FGF12: variants seen among roughly 807,000 people sequenced by gnomAD.
The protein encoded by FGF12 is fibroblast growth factor 12.
Under a neutral mutation model 23.6 loss-of-function variants are expected in FGF12, and 14 were observed. The observed-to-expected ratio is 0.59, with a 90% CI of 0.39 to 0.93. The LOEUF (loss-of-function observed/expected upper bound fraction) is 0.93. Ranked by LOEUF, FGF12 falls within the 40% of genes least tolerant of loss-of-function variation. The pLI is 0.00. For synonymous variants in FGF12, 62 were observed against 77.3 expected (o/e 0.80, Z 1.04); for missense variants, 175 against 217.8 (o/e 0.80, Z 1.24).
intron 2 of FGF12, among the ~76,000 whole-genome samples, chr3:192,369,943 C>A (rs1719149256): frequency 6.6e-6 from 1 of 152,190 alleles, no homozygotes; most frequent in Non-Finnish European, 1.5e-5. Context: ...TTGAAAAAAG[C>A]TTTAAAGATG....
intron 2 of FGF12, among the ~76,000 whole-genome samples, chr3:192,397,010 G>C (rs1720551911): frequency 6.6e-6 from 1 of 152,202 alleles, no homozygotes; most frequent in Non-Finnish European, 1.5e-5. Context: ...AAATTATAAT[G>C]AATGGAACTC....
chr3:192,439,644 G>C (rs920745888), intron 2 of FGF12, among the ~76,000 whole-genome samples: 2 of 152,124 alleles, frequency 1.3e-5, no homozygotes, highest in African/African-American at 4.8e-5. Context: ...AGTTAAATGG[G>C]AAATTGCATC....
intron 2 of FGF12, among the ~76,000 whole-genome samples, chr3:192,596,976 T>C (rs188687667): frequency 5.1e-4 from 77 of 152,332 alleles, no homozygotes; most frequent in African/African-American, 1.7e-3. Flanking sequence ...CCAGCTATGA[T>C]ACCTTGAAAA....
intron 2 of FGF12, among the ~76,000 whole-genome samples, chr3:192,530,503 A>G (rs920896513): frequency 6.6e-6 from 1 of 152,238 alleles, no homozygotes; most frequent in African/African-American, 2.4e-5. Flanking sequence ...GATTTATTCA[A>G]CAACAGCAAT....
chr3:192,538,677 A>G (rs1274568588), intron 2 of FGF12, among the ~76,000 whole-genome samples: 2 of 152,148 alleles, frequency 1.3e-5, no homozygotes, highest in Non-Finnish European at 2.9e-5. Context: ...TGAAGAATAG[A>G]ATGTCATTGG....
At chr3:192,159,968 GTGTGTGTGTGTA>G (rs1016968192) in intron 5 of FGF12, among the ~76,000 whole-genome samples, 7 of 140,760 alleles carry the variant, frequency 5.0e-5, no homozygotes, top group African/African-American at 1.9e-4. Context: ...GTGTGTGTGT[GTGTGTGTGTGTA>G]CACATTTCAG....
chr3:192,273,865 G>A (rs1226978714), intron 4 of FGF12, among the ~76,000 whole-genome samples: 1 of 151,308 alleles, frequency 6.6e-6, no homozygotes, highest in East Asian at 1.9e-4. Flanking sequence ...TCAGTGGACT[G>A]ATTCAAGGAT....
chr3:192,677,421 C>CA (rs1167975327), intron 2 of FGF12, among the ~76,000 whole-genome samples: 1 of 152,166 alleles, frequency 6.6e-6, no homozygotes, highest in African/African-American at 2.4e-5. Flanking sequence ...GTGATGCTGT[C>CA]AGAGTTCTGG....
chr3:192,556,939 C>T (rs1475390132), intron 2 of FGF12, among the ~76,000 whole-genome samples: 3 of 151,766 alleles, frequency 2.0e-5, no homozygotes, highest in Admixed American at 6.6e-5. Flanking sequence ...ACAACACACC[C>T]TTGAATGATA....
intron 2 of FGF12, among the ~76,000 whole-genome samples, chr3:192,527,927 T>C (rs1247763956): frequency 3.8e-5 from 1 of 26,450 alleles, no homozygotes; most frequent in Non-Finnish European, 8.1e-5. Context: ...ATCAGGAGAA[T>C]AGCGCAGGAG....
At chr3:192,569,679 A>G (rs1228383763) in intron 2 of FGF12, among the ~76,000 whole-genome samples, 1 of 152,228 alleles carries the variant, frequency 6.6e-6, no homozygotes, top group South Asian at 2.1e-4. Context: ...ATTGAGATAT[A>G]GAGAAGTTAG....
rs537580609 is a variant in FGF12 at position 192,322,930 on chromosome 3, C to T, written c.228+12431G>A. Reference sequence around the variant, plus strand: ...GCAAAAGATCTGAGTAGGCATTTCTCAGAAGAAGACTTACAAATGGCAGAC... The same window carrying T: ...GCAAAAGATCTGAGTAGGCATTTCTTAGAAGAAGACTTACAAATGGCAGAC... On this transcript the variant is annotated intron_variant, in intron 4 of 5. Coordinates refer to ENST00000445105, the MANE Select transcript of FGF12 (RefSeq NM_004113.6). Among the ~76,000 whole-genome samples the T allele has an allele frequency of 9.2e-5, 14 of 152,248 alleles. No homozygotes were observed. In the East Asian group the frequency reaches 2.7e-3, roughly 29 times the overall value.
chr3:192,582,052 C>A (rs1713179395), intron 2 of FGF12, among the ~76,000 whole-genome samples: 1 of 152,148 alleles, frequency 6.6e-6, no homozygotes, highest in Non-Finnish European at 1.5e-5. Context: ...TAGAGTCTTT[C>A]CAAACTCTTG....
chr3:192,409,794 C>A lies in FGF12; in HGVS notation c.14-49256G>T, dbSNP rs888446638. Among the ~76,000 whole-genome samples the A allele has an allele frequency of 6.6e-6, 1 of 152,042 alleles. No homozygotes were observed. Among genetic ancestry groups the A allele is most frequent in the African/African-American group, 2.4e-5 (1 of 41,430 alleles). On this transcript the variant is annotated intron_variant, in intron 2 of 5. Coordinates refer to ENST00000445105, the MANE Select transcript of FGF12 (RefSeq NM_004113.6). This position sits in a 1 kb window ranked among gnomAD's most constrained non-coding sequence, Gnocchi z 4.8. ...GAGGGCGCAACCCGGGCGCTTGGGG[C>A]CGGAGGCGGAATCAGGGGCCGGGGC...
At chr3:192,550,564 T>C (rs146636543) in intron 2 of FGF12, among the ~76,000 whole-genome samples, 2 of 151,912 alleles carry the variant, frequency 1.3e-5, no homozygotes, top group East Asian at 3.9e-4. Context: ...ATGTAGTATG[T>C]CAAGTTTGCT....
intron 4 of FGF12, among the ~76,000 whole-genome samples, chr3:192,174,154 A>C (rs981321206): frequency 3.3e-5 from 5 of 152,226 alleles, no homozygotes; most frequent in Admixed American, 2.6e-4. Flanking sequence ...TAATTACTAC[A>C]TTGTCATTTA....
chr3:192,363,174 C>A (rs1348483195), intron 2 of FGF12, among the ~76,000 whole-genome samples: 2 of 151,122 alleles, frequency 1.3e-5, no homozygotes, highest in Admixed American at 1.3e-4. Context: ...ACCAACATGG[C>A]ACATGTATAC....
chr3:192,579,208 G>T (rs1003065057), intron 2 of FGF12, among the ~76,000 whole-genome samples: 3 of 151,936 alleles, frequency 2.0e-5, no homozygotes, highest in Non-Finnish European at 4.4e-5. Context: ...TTTGGGAAAA[G>T]GTTACCTTGC....
chr3:192,531,960 T>C (rs1249222198), intron 2 of FGF12, among the ~76,000 whole-genome samples: 1 of 152,236 alleles, frequency 6.6e-6, no homozygotes, highest in Non-Finnish European at 1.5e-5. Context: ...TTCATTCTTC[T>C]ACATGTAGCT....
Sources: gnomAD v4.1 joint callset for allele counts (sites outside exome capture counted in the v4.1 genomes callset) on GRCh38, gnomAD v4.1.1 for gene constraint, Gnocchi (gnomAD v3.1) non-coding constraint, MANE v1.5 for transcripts, NCBI Gene and HGNC (gene_info 2026-07-23, HGNC 2026-07-21) for gene names.